ARPP21: variants seen among roughly 807,000 people sequenced by gnomAD.
ARPP21 encodes cAMP regulated phosphoprotein 21.
ARPP21 carries 69 observed loss-of-function variants against 113.2 expected under a neutral mutation model. The ratio of observed to expected loss-of-function variants is 0.61; its 90% CI spans 0.50 to 0.74. The LOEUF is 0.74. ARPP21 is among the 30% of genes least tolerant of loss of function. The pLI is 0.00. For missense variants in ARPP21, 1,070 were observed against 1,037.4 expected (o/e 1.03, Z -0.43); for synonymous variants, 368 against 375.5 (o/e 0.98, Z 0.23).
chr3:35,761,722 G>C (rs541942554), intron 19 of ARPP21, among the ~76,000 whole-genome samples: 1 of 152,232 alleles, frequency 6.6e-6, no homozygotes, highest in African/African-American at 2.4e-5. Context: ...CCAGTATATG[G>C]AGACTAGAAG....
chr3:35,710,555 A>T, intron 11 of ARPP21, among the ~76,000 whole-genome samples: 1 of 150,634 alleles, frequency 6.6e-6, no homozygotes. Flanking sequence ...ACACACACAC[A>T]CACACACACA....
intron 1 of ARPP21, chr3:35,643,518 A>C (rs1231037550): frequency 2.6e-5 from 4 of 152,174 alleles, no homozygotes; most frequent in African/African-American, 9.6e-5. Flanking sequence ...AAGCTTCTCA[A>C]ATCAGTGGGA....
At chr3:35,738,932 G>C (rs964291316) in intron 17 of ARPP21, among the ~76,000 whole-genome samples, 3 of 152,126 alleles carry the variant, frequency 2.0e-5, no homozygotes, top group African/African-American at 7.2e-5. Context: ...CTGCCTTATG[G>C]GTGTTCTCGA....
rs2092552323 is a variant in ARPP21 at position 35,717,345 on chromosome 3, G to C, written c.983G>C (p.Arg328Thr). Residue 328 changes from arginine to threonine, a missense_variant, in exon 13 of 21, where the codon AGA becomes ACA. Physicochemically the swap from Arg to Thr is moderately conservative, Grantham distance 71. Coordinates refer to ENST00000684406, the MANE Select transcript of ARPP21 (RefSeq NM_001385562.1). ...ATATGCAATGAGACCTATAAGAAAA[G>C]ACAGCTCTTTCGGTTGGTATGGTTT... ...SNICNETYKK[R>T]QLFRGNRDGS... 1 of 1,603,548 alleles carries C rather than the reference G, an allele frequency of 6.2e-7. No homozygotes were observed. The highest frequency in any genetic ancestry group is 1.7e-5 in the Admixed American group (1 of 59,946).
intron 9 of ARPP21, among the ~76,000 whole-genome samples, chr3:35,692,749 T>C (rs2082614498): frequency 6.6e-6 from 1 of 151,668 alleles, no homozygotes; most frequent in South Asian, 2.1e-4. Flanking sequence ...CCCGGTATGG[T>C]AGCCAAATAT....
intron 9 of ARPP21, among the ~76,000 whole-genome samples, chr3:35,694,910 A>G (rs2083388301): frequency 6.8e-6 from 1 of 147,676 alleles, no homozygotes; most frequent in African/African-American, 2.5e-5. Flanking sequence ...CATTATATAT[A>G]AATATATATT....
rs1448859860 is a variant in ARPP21 at position 35,685,866 on chromosome 3, AT to A, written c.262-1872del. On this transcript the variant is annotated intron_variant, in intron 5 of 20. Coordinates refer to ENST00000684406, the MANE Select transcript of ARPP21 (RefSeq NM_001385562.1). ...AGCATATCAATAAAAATATTAAAAA[AT>A]AACAGATTGTTTTTTACCAACTCTA... 27 of 715,586 alleles carry A rather than the reference AT, an allele frequency of 3.8e-5. 1 individual carries two copies. The Admixed American group carries it at 1.7e-3, about 45-fold the overall frequency. 44.3% of individuals were successfully genotyped at this position (715,586 alleles called of 1,614,324 possible). A position where few individuals can be genotyped will look rare whatever the true frequency, so the allele number is the denominator to read the frequency against.
intron 14 of ARPP21, among the ~76,000 whole-genome samples, chr3:35,728,677 G>C (rs2093725433): frequency 6.6e-6 from 1 of 152,080 alleles, no homozygotes; most frequent in Admixed American, 6.5e-5. Context: ...ATCACATTCT[G>C]CTAAACCATG....
chr3:35,720,800 G>T (rs2092982487), intron 13 of ARPP21, among the ~76,000 whole-genome samples: 1 of 152,136 alleles, frequency 6.6e-6, no homozygotes, highest in Non-Finnish European at 1.5e-5. Context: ...CTGGCTATTG[G>T]ATCTCTTCCA....
In ARPP21 at chr3:35,721,630, A is replaced by C; in HGVS notation, c.1021A>C (p.Thr341Pro). The C allele has an allele frequency of 2.5e-6, 4 of 1,612,382 alleles. No individual in the cohort carries two copies. The highest frequency in any genetic ancestry group is 2.5e-6 in the Non-Finnish European group (3 of 1,178,540). ...GGGCAACAGAGATGGCTCAGGGAGA[A>C]CATCTGGGAGTCGACAGAGCAGCTC... Reference protein sequence around the residue: ...FRGNRDGSGRTSGSRQSSSEN... With the variant: ...FRGNRDGSGRPSGSRQSSSEN... The change falls in exon 14 of 21, where the codon ACA (threonine) becomes CCA (proline). Residue 341 changes from threonine (T) to proline (P), a missense_variant. Coordinates refer to ENST00000684406, the MANE Select transcript of ARPP21 (RefSeq NM_001385562.1).
chr3:35,743,702 A>C, intron 18 of ARPP21, 137 bp from the exon 19 acceptor site: 1 of 820,090 alleles, frequency 1.2e-6, no homozygotes, highest in Admixed American at 2.1e-5. Context: ...GCATGCACAT[A>C]CACATAGGCA....
At chr3:35,683,873 G>A (rs2079724373) in intron 5 of ARPP21, 58 bp downstream of exon 5, 2 of 959,242 alleles carry the variant, frequency 2.1e-6, no homozygotes, top group East Asian at 2.4e-5. Flanking sequence ...TTGTGTGCAT[G>A]ACTCTTAATT....
At chr3:35,733,778 A>C (rs1042513915) in intron 15 of ARPP21, among the ~76,000 whole-genome samples, 1 of 152,208 alleles carries the variant, frequency 6.6e-6, no homozygotes, top group Admixed American at 6.5e-5. Context: ...CATAAAAATC[A>C]ATTTTTTGTA....
chr3:35,735,961 T>C (rs923686575), intron 15 of ARPP21, among the ~76,000 whole-genome samples: 2 of 152,232 alleles, frequency 1.3e-5, no homozygotes, highest in African/African-American at 4.8e-5. Flanking sequence ...CATTGATTAA[T>C]AATTTTCAGT....
At chr3:35,736,300 C>T (rs796937528) in intron 15 of ARPP21, among the ~76,000 whole-genome samples, 6 of 152,230 alleles carry the variant, frequency 3.9e-5, no homozygotes, top group African/African-American at 1.2e-4. Context: ...CCCCCACACC[C>T]GCTCCTTGAC....
chr3:35,763,980 A>T (rs893176534), intron 19 of ARPP21, among the ~76,000 whole-genome samples: 2 of 152,108 alleles, frequency 1.3e-5, no homozygotes, highest in African/African-American at 4.8e-5. Flanking sequence ...CCTGGGCAAC[A>T]TAGGGAAATC....
intron 19 of ARPP21, among the ~76,000 whole-genome samples, chr3:35,786,905 C>G (rs1305906455): frequency 6.6e-6 from 1 of 152,132 alleles, no homozygotes; most frequent in Non-Finnish European, 1.5e-5. Context: ...TCCTCTTTCA[C>G]CAAACCATAG....
intron 19 of ARPP21, among the ~76,000 whole-genome samples, chr3:35,776,159 G>A (rs2096359205): frequency 6.6e-6 from 1 of 152,050 alleles, no homozygotes; most frequent in Non-Finnish European, 1.5e-5. Context: ...CATGTGTGTT[G>A]AGAATGTTAT....
At position 35,745,894 on chromosome 3, in the gene ARPP21, C is replaced by T. The variant is rs185021712; in HGVS notation, c.2137+1929C>T. Among the ~76,000 whole-genome samples the T allele has an allele frequency of 3.9e-5, 6 of 152,244 alleles. No individual in the cohort carries two copies. The East Asian group carries it at 1.2e-3, about 29-fold the overall frequency. On this transcript the variant is annotated intron_variant, in intron 19 of 20. Coordinates refer to ENST00000684406, the MANE Select transcript of ARPP21 (RefSeq NM_001385562.1). ...TGGTTTGTCACATTCTCCCACATCA[C>T]CGCAAAAATGACCCTCCCAAGGTAA...
Sources: allele counts gnomAD v4.1 joint callset (sites outside exome capture counted in the v4.1 genomes callset), GRCh38; gene constraint gnomAD v4.1.1; transcripts MANE v1.5; gene names NCBI Gene and HGNC (gene_info 2026-07-23, HGNC 2026-07-21).